WDR7: variants seen among roughly 807,000 people sequenced by gnomAD.
WDR7 encodes the protein WD repeat-containing protein 7.
In WDR7, 46 loss-of-function variants were observed where a neutral mutation model predicts 169.4. That is an observed-to-expected ratio of 0.27 (90% confidence interval 0.21 to 0.35). The LOEUF is 0.35. Ranked by LOEUF, WDR7 falls within the 10% of genes least tolerant of loss-of-function variation. WDR7 has a pLI of 1.00. For synonymous variants in WDR7, 612 were observed against 666.8 expected (o/e 0.92, Z 1.27); for missense variants, 1,534 against 1,859.3 (o/e 0.83, Z 3.22).
chr18:56,986,855 C>G (rs2047728256), intron 26 of WDR7, among the ~76,000 whole-genome samples: 2 of 152,004 alleles, frequency 1.3e-5, no homozygotes, highest in African/African-American at 4.8e-5. Context: ...TTTTAGGACA[C>G]AGGATGAGAG....
chr18:56,848,272 G>C (rs1384101324), intron 20 of WDR7, among the ~76,000 whole-genome samples: 1 of 152,166 alleles, frequency 6.6e-6, no homozygotes, highest in Admixed American at 6.5e-5. Flanking sequence ...TTGCCACTTT[G>C]TTCTGGCCAA....
intron 1 of WDR7, among the ~76,000 whole-genome samples, chr18:56,666,324 C>G (rs941637436): frequency 1.4e-5 from 2 of 146,058 alleles, no homozygotes; most frequent in African/African-American, 5.0e-5. Context: ...CTGCCTTAGC[C>G]TTTCTAGTAG....
At chr18:57,004,767 GT>G (rs1291086427) in intron 26 of WDR7, among the ~76,000 whole-genome samples, 1 of 152,140 alleles carries the variant, frequency 6.6e-6, no homozygotes, top group African/African-American at 2.4e-5. Flanking sequence ...AGTTCTTACA[GT>G]TTCACTCTTT....
chr18:56,731,295 A>T, intron 13 of WDR7, 88 bp from the exon 14 acceptor site: 1 of 1,449,846 alleles, frequency 6.9e-7, no homozygotes, highest in Admixed American at 2.4e-5. Flanking sequence ...GTTTCTACTT[A>T]AAAAATTTTC....
intron 25 of WDR7, among the ~76,000 whole-genome samples, chr18:56,959,423 A>T (rs1162493034): frequency 6.6e-6 from 1 of 152,108 alleles, no homozygotes; most frequent in Non-Finnish European, 1.5e-5. Context: ...ATTATTACCC[A>T]TTTCCACTTG....
intron 20 of WDR7, among the ~76,000 whole-genome samples, chr18:56,875,619 C>G (rs2046012114): frequency 6.6e-6 from 1 of 152,122 alleles, no homozygotes; most frequent in Admixed American, 6.5e-5. Flanking sequence ...CTTAGCTGTC[C>G]TTGAAATAGA....
intron 26 of WDR7, among the ~76,000 whole-genome samples, chr18:57,006,615 G>A (rs149388070): frequency 1.2e-3 from 183 of 152,258 alleles, no homozygotes; most frequent in African/African-American, 3.7e-3. Context: ...TTTAATTTTA[G>A]TGATAGGATA....
At chr18:57,004,857 G>T (rs1020523777) in intron 26 of WDR7, among the ~76,000 whole-genome samples, 4 of 152,152 alleles carry the variant, frequency 2.6e-5, no homozygotes, top group Non-Finnish European at 5.9e-5. Context: ...GCTGGAACAG[G>T]AAGTATGAGT....
chr18:56,808,111 TG>T (rs751955184), intron 19 of WDR7, among the ~76,000 whole-genome samples: 13 of 151,938 alleles, frequency 8.6e-5, no homozygotes, highest in Non-Finnish European at 7.4e-5. Flanking sequence ...TCGATAGAAG[TG>T]GTGTGAAGTG....
chr18:56,924,870 T>C (rs1212931758), intron 22 of WDR7, among the ~76,000 whole-genome samples: 1 of 152,224 alleles, frequency 6.6e-6, no homozygotes, highest in Middle Eastern at 3.2e-3. Flanking sequence ...GTGCAACTGT[T>C]ACCACTATTT....
chr18:57,034,588 T>C (rs2048457011), downstream of WDR7: 1 of 152,174 alleles, frequency 6.6e-6, no homozygotes, highest in African/African-American at 2.4e-5. Context: ...GGCTGCACAA[T>C]TGTTAAAACT....
At chr18:56,872,564 T>G (rs959994984) in intron 20 of WDR7, 1 of 152,222 alleles carries the variant, frequency 6.6e-6, no homozygotes, top group African/African-American at 2.4e-5. Flanking sequence ...AGCCTCATAT[T>G]TTGTTATAAG....
At chr18:56,933,784 A>G (rs1238435034) in intron 22 of WDR7, among the ~76,000 whole-genome samples, 3 of 152,222 alleles carry the variant, frequency 2.0e-5, no homozygotes, top group African/African-American at 7.2e-5. Flanking sequence ...AAATACCTGT[A>G]TCAACCACTT....
chr18:56,781,656 C>T lies in WDR7; in HGVS notation c.3190C>T (p.Pro1064Ser), dbSNP rs750679446. The change falls in exon 19 of 28, where the codon CCT becomes TCT. Residue 1064 changes from proline to serine, a missense_variant and splice_region_variant. By Grantham distance (74) the Pro-to-Ser change is moderately conservative. Transcript: ENST00000254442. ...LPQYIDHVIS[P>S]GVTSEAAQTI... ...TCAGTACATAGACCACGTCATATCA[C>T]GTAAGAGTTCTCATGCTTCTCTACA... The T allele has an allele frequency of 5.7e-6, 9 of 1,589,996 alleles. No homozygotes were observed. The highest frequency in any genetic ancestry group is 6.0e-6 in the Non-Finnish European group (7 of 1,167,820).
intron 25 of WDR7, among the ~76,000 whole-genome samples, chr18:56,943,196 G>A (rs979267479): frequency 6.6e-6 from 1 of 152,150 alleles, no homozygotes. Context: ...TGTACCGTTG[G>A]ATTCTACTAG....
At chr18:56,991,397 G>A (rs1005016137) in intron 26 of WDR7, among the ~76,000 whole-genome samples, 1 of 151,994 alleles carries the variant, frequency 6.6e-6, no homozygotes, top group African/African-American at 2.4e-5. Flanking sequence ...CGCCTGCCTT[G>A]GCCTCCCAAA....
intron 21 of WDR7, among the ~76,000 whole-genome samples, chr18:56,921,530 G>T (rs1286534324): frequency 3.3e-5 from 5 of 152,126 alleles, no homozygotes; most frequent in Non-Finnish European, 7.4e-5. Flanking sequence ...TTAAGAGAAG[G>T]GATGCTGGTG....
chr18:56,700,565 C>G (rs1473483359), intron 12 of WDR7, among the ~76,000 whole-genome samples: 1 of 115,836 alleles, frequency 8.6e-6, no homozygotes, highest in African/African-American at 3.4e-5. Context: ...AATATTGTTT[C>G]TTTTTTTTTT....
downstream of WDR7, chr18:57,030,045 A>T (rs986855705): frequency 2.0e-5 from 3 of 152,122 alleles, no homozygotes; most frequent in Non-Finnish European, 4.4e-5. Context: ...TCTCTACTCT[A>T]CATGCTCCCA....
Sources: gnomAD v4.1 joint callset for allele counts (sites outside exome capture counted in the v4.1 genomes callset) on GRCh38, gnomAD v4.1.1 for gene constraint, MANE v1.5 for transcripts, NCBI Gene and HGNC (gene_info 2026-07-23, HGNC 2026-07-21) for gene names.